The following NEDD9 variants were observed in gnomAD, a reference collection of about 807,000 sequenced individuals.
NEDD9 encodes enhancer of filamentation 1.
NEDD9 carries 26 observed loss-of-function variants against 76.6 expected under a neutral mutation model. That is an observed-to-expected ratio of 0.34 (90% CI 0.25 to 0.47). The LOEUF (loss-of-function observed/expected upper bound fraction) is 0.47. NEDD9 is among the 20% of genes least tolerant of loss of function. The pLI is 1.00. For synonymous variants in NEDD9, 392 were observed against 414.2 expected (o/e 0.95, Z 0.65); for missense variants, 937 against 1,058.5 (o/e 0.89, Z 1.59).
chr6:11,230,306 G>C lies in NEDD9; in HGVS notation c.12+2198C>G, dbSNP rs142512357. On this transcript the variant is annotated intron_variant, in intron 1 of 6. Transcript: ENST00000379446. ...GCTCTTTCTCTTTCTCTTAATAGTG[G>C]TTAAAGTCATGAGTTCTGGAGCCAG... 2.9e-3 allele frequency among the ~76,000 whole-genome samples: 436 copies of C among 152,320 alleles called. 2 individuals are homozygous for C. The highest frequency in any genetic ancestry group is 9.8e-3 in the African/African-American group (406 of 41,576).
At chr6:11,261,939 G>C (rs76047208) in intron 3 of NEDD9, among the ~76,000 whole-genome samples, 1 of 152,266 alleles carries the variant, frequency 6.6e-6, no homozygotes, top group East Asian at 1.9e-4. Flanking sequence ...TTGGAACTCA[G>C]CTCCTTGGAA....
intron 3 of NEDD9, among the ~76,000 whole-genome samples, chr6:11,275,014 G>A (rs1254286170): frequency 2.0e-5 from 3 of 152,174 alleles, no homozygotes; most frequent in Non-Finnish European, 4.4e-5. Context: ...ATGAATAAAT[G>A]TAGATGAATA....
chr6:11,242,001 C>T (rs1759718598), intron 3 of NEDD9, among the ~76,000 whole-genome samples: 1 of 152,214 alleles, frequency 6.6e-6, no homozygotes, highest in Non-Finnish European at 1.5e-5. Context: ...GAGTTTGACT[C>T]GTTTTAGAAA....
intron 6 of NEDD9, among the ~76,000 whole-genome samples, chr6:11,187,260 A>G (rs1164361775): frequency 6.6e-6 from 1 of 152,184 alleles, no homozygotes; most frequent in African/African-American, 2.4e-5. Context: ...ATTTCATGTC[A>G]TTACATGCCA....
At chr6:11,364,090 G>T (rs879157790) in intron 1 of NEDD9, among the ~76,000 whole-genome samples, 1 of 152,208 alleles carries the variant, frequency 6.6e-6, no homozygotes, top group East Asian at 1.9e-4. Context: ...AAACAACATG[G>T]TTTATGCTGA....
At chr6:11,366,388 G>A (rs940324123) in intron 1 of NEDD9, among the ~76,000 whole-genome samples, 5 of 144,188 alleles carry the variant, frequency 3.5e-5, no homozygotes, top group African/African-American at 1.3e-4. Flanking sequence ...GCAAGACAGA[G>A]AGAGAGAGAA....
intron 1 of NEDD9, among the ~76,000 whole-genome samples, chr6:11,365,215 G>A (rs1762739946): frequency 6.6e-6 from 1 of 152,136 alleles, no homozygotes; most frequent in African/African-American, 2.4e-5. Flanking sequence ...AGTTAATGCA[G>A]AAACATCCCG....
chr6:11,321,015 A>G (rs1404477002), intron 2 of NEDD9, among the ~76,000 whole-genome samples: 1 of 152,014 alleles, frequency 6.6e-6, no homozygotes, highest in Admixed American at 6.6e-5. Context: ...AGGTTAAAAA[A>G]AAAACCTGTT....
intron 2 of NEDD9, among the ~76,000 whole-genome samples, chr6:11,318,587 G>A (rs536789275): frequency 7.9e-5 from 12 of 152,220 alleles, no homozygotes; most frequent in African/African-American, 2.9e-4. Context: ...TTGTTACTCA[G>A]GGGCTGTTGC....
rs907442383 is a variant in NEDD9 at position 11,241,810 on chromosome 6, A to G, written c.13-28083T>C. Among the ~76,000 whole-genome samples, 6 of 152,114 alleles carry G rather than the reference A, an allele frequency of 3.9e-5. No homozygotes were observed. The highest frequency in any genetic ancestry group is 2.0e-4 in the Admixed American group (3 of 15,280). ...CTGCCCTCATCAGCTGAGGCCGGCC[A>G]ATGTCCAGCAGGCCCCGGGCCCAGA... On this transcript the variant is annotated intron_variant, in intron 3 of 3. Coordinates refer to the NEDD9 transcript ENST00000397378. This position sits in a 1 kb window ranked among gnomAD's most constrained non-coding sequence, Gnocchi z 4.0.
chr6:11,232,101 T>C (rs1759484766), intron 1 of NEDD9, among the ~76,000 whole-genome samples: 1 of 152,146 alleles, frequency 6.6e-6, no homozygotes, highest in South Asian at 2.1e-4. Flanking sequence ...AGACAGACTA[T>C]GCAGTCCTCA....
At chr6:11,325,652 G>A (rs541410977) in intron 2 of NEDD9, among the ~76,000 whole-genome samples, 3 of 152,306 alleles carry the variant, frequency 2.0e-5, no homozygotes, top group African/African-American at 7.2e-5. Context: ...TCAAAAGAGA[G>A]ACTGCAGAAG....
At chr6:11,270,227 A>G (rs182285690) in intron 3 of NEDD9, among the ~76,000 whole-genome samples, 1 of 152,378 alleles carries the variant, frequency 6.6e-6, no homozygotes, top group Admixed American at 6.5e-5. Flanking sequence ...GCATTCTGTC[A>G]ACTTCAATTA....
intron 1 of NEDD9, among the ~76,000 whole-genome samples, chr6:11,380,010 C>T (rs1003858847): frequency 3.9e-5 from 6 of 152,190 alleles, no homozygotes; most frequent in Non-Finnish European, 2.9e-5. Context: ...TCGTGCTGTG[C>T]GGGTTTGCAT....
At position 11,198,608 on chromosome 6, in the gene NEDD9, G is replaced by A. The variant is rs1314748745; in HGVS notation, c.460-4916C>T. The A allele has an allele frequency of 6.6e-6, 1 of 152,198 alleles. No homozygotes were observed. Among genetic ancestry groups the A allele is most frequent in the South Asian group, 2.1e-4 (1 of 4,828 alleles). 9.4% of individuals were successfully genotyped at this position (152,198 alleles called of 1,614,324 possible). ...CAGCACTTATCACTTGTGGTTTGACGGTCTTGATGCATCTCATCTCTTCTT... is the reference window on the plus strand; with the variant it reads ...CAGCACTTATCACTTGTGGTTTGACAGTCTTGATGCATCTCATCTCTTCTT... On this transcript the variant is annotated intron_variant, in intron 2 of 6. Transcript: ENST00000379446. The surrounding 1 kb of genome is among the most constrained non-coding windows in gnomAD (Gnocchi z 4.7).
intron 1 of NEDD9, among the ~76,000 whole-genome samples, chr6:11,366,096 C>A (rs1762759472): frequency 6.6e-6 from 1 of 152,102 alleles, no homozygotes; most frequent in Admixed American, 6.6e-5. Flanking sequence ...CCAGCCTGAC[C>A]AACAAGGTGA....
chr6:11,293,469 C>G (rs1039260454), intron 3 of NEDD9, among the ~76,000 whole-genome samples: 9 of 152,048 alleles, frequency 5.9e-5, no homozygotes, highest in Non-Finnish European at 1.2e-4. Context: ...TTTCTATCCC[C>G]CCCTCTCAGC....
At chr6:11,249,159 A>G in intron 3 of NEDD9, 1 of 456,090 alleles carries the variant, frequency 2.2e-6, no homozygotes, top group South Asian at 1.5e-5. Context: ...ATGGACTTTG[A>G]GTAAAGCAGA....
rs959042105 is a variant in NEDD9 at position 11,252,551 on chromosome 6, A to G, written c.13-38824T>C. Among the ~76,000 whole-genome samples the G allele has an allele frequency of 7.9e-5, 12 of 152,212 alleles. No individual in the cohort carries two copies. ...CTGGAAGCACCCCCTTCCATGGTCA[A>G]AGAAACCCTGTAGAGAGCAGAAAGG... On this transcript the variant is annotated intron_variant, in intron 3 of 3. Transcript: ENST00000397378. This position sits in a 1 kb window ranked among gnomAD's most constrained non-coding sequence, Gnocchi z 4.3.
Sources: allele counts gnomAD v4.1 joint callset (sites outside exome capture counted in the v4.1 genomes callset), GRCh38; gene constraint gnomAD v4.1.1; non-coding constraint Gnocchi (gnomAD v3.1); transcripts MANE v1.5; gene names NCBI Gene and HGNC (gene_info 2026-07-23, HGNC 2026-07-21).